CSMD1: variants seen among roughly 807,000 people sequenced by gnomAD.
CSMD1 encodes the protein CUB and sushi domain-containing protein 1.
CSMD1 carries 213 observed loss-of-function variants against 417.5 expected under a neutral mutation model. That is an observed-to-expected ratio of 0.51 (90% CI 0.46 to 0.57). CSMD1 has a LOEUF of 0.57. CSMD1 is among the 20% of genes least tolerant of loss of function. The pLI is 0.00. For synonymous variants in CSMD1, 2,862 were observed against 1,736.8 expected (o/e 1.65, Z -16.11); for missense variants, 6,923 against 4,529.7 (o/e 1.53, Z -15.17).
intron 4 of CSMD1, among the ~76,000 whole-genome samples, chr8:4,012,320 G>A (rs888119503): frequency 1.3e-5 from 2 of 152,084 alleles, no homozygotes; most frequent in Non-Finnish European, 2.9e-5. Context: ...ATCCTTGGTA[G>A]GGTGTCCAAG....
intron 12 of CSMD1, among the ~76,000 whole-genome samples, chr8:3,442,959 T>C (rs983917203): frequency 2.6e-5 from 4 of 152,206 alleles, no homozygotes; most frequent in Admixed American, 2.6e-4. Flanking sequence ...TCTTTAAACA[T>C]GGTTTTATTA....
Position 3,328,592 on chromosome 8 carries a change from A to C in CSMD1, c.3631+14702T>G, listed in dbSNP as rs181650263. Among the ~76,000 whole-genome samples the C allele has an allele frequency of 2.4e-4, 37 of 152,310 alleles. No individual in the cohort carries two copies. In the East Asian group the frequency reaches 6.4e-3, roughly 26 times the overall value. ...GATCAGTTTCAATCCAAGTCGCTCC[A>C]ATGTACATATAGTGGGCTATGTGTC... On this transcript the variant is annotated intron_variant, in intron 23 of 69. Coordinates refer to ENST00000635120, the MANE Select transcript of CSMD1 (RefSeq NM_033225.6).
chr8:4,528,378 T>TCACAGAAAGACATTA (rs1171046618), intron 2 of CSMD1, among the ~76,000 whole-genome samples: 1 of 152,158 alleles, frequency 6.6e-6, no homozygotes, highest in Non-Finnish European at 1.5e-5. Flanking sequence ...TCCAAGACTC[T>TCACAGAAAGACATTA]CAATCATGCC....
In CSMD1 at chr8:4,122,954, C is replaced by G. The variant is rs530070291; in HGVS notation, c.416-90855G>C. Among the ~76,000 whole-genome samples, 20 of 152,332 alleles carry G rather than the reference C, an allele frequency of 1.3e-4. No homozygotes were observed. The South Asian group carries it at 3.5e-3, about 27-fold the overall frequency. Reference sequence around the variant, plus strand: ...TAAATTCTAGGCTACTGCAAAGCAGCACTGTGGCTAGACCTACGGTGATAA... The same window carrying G: ...TAAATTCTAGGCTACTGCAAAGCAGGACTGTGGCTAGACCTACGGTGATAA... On this transcript the variant is annotated intron_variant, in intron 3 of 69. Coordinates refer to ENST00000635120, the MANE Select transcript of CSMD1 (RefSeq NM_033225.6).
chr8:3,533,486 T>G (rs1416373176), intron 10 of CSMD1, among the ~76,000 whole-genome samples: 3 of 152,292 alleles, frequency 2.0e-5, no homozygotes, highest in African/African-American at 7.2e-5. Context: ...ATGAAGTATT[T>G]GTCCTGTGAG....
chr8:4,047,808 A>T lies in CSMD1; in HGVS notation c.416-15709T>A, dbSNP rs186362095. Among the ~76,000 whole-genome samples, 441 of 152,292 alleles carry T rather than the reference A, an allele frequency of 2.9e-3. 2 individuals carry two copies. Among genetic ancestry groups the T allele is most frequent in the African/African-American group, 0.01 (422 of 41,558 alleles). ...TGCAATTTTACATTAGGTAGTCAGG[A>T]AACACCTCAATAAGAAAGTGGCATT... is the stretch of plus-strand genomic sequence containing the variant. On this transcript the variant is annotated intron_variant, in intron 3 of 69. Transcript: ENST00000635120.
chr8:3,935,722 C>G (rs1055900773), intron 5 of CSMD1, among the ~76,000 whole-genome samples: 2 of 152,088 alleles, frequency 1.3e-5, no homozygotes, highest in South Asian at 2.1e-4. Flanking sequence ...ATCTCTCTAC[C>G]TCCTTCATTG....
At chr8:3,441,283 T>C (rs1413455530) in intron 12 of CSMD1, among the ~76,000 whole-genome samples, 6 of 152,056 alleles carry the variant, frequency 3.9e-5, no homozygotes, top group Non-Finnish European at 8.8e-5. Flanking sequence ...TTTGTATTGT[T>C]TTCAAACAGT....
chr8:4,859,632 T>A (rs896869493), intron 1 of CSMD1, among the ~76,000 whole-genome samples: 1 of 152,156 alleles, frequency 6.6e-6, no homozygotes, highest in African/African-American at 2.4e-5. Context: ...AAGAAGACGT[T>A]TATACAGCCA....
chr8:3,166,403 G>A (rs1820219516), intron 37 of CSMD1, among the ~76,000 whole-genome samples: 2 of 151,998 alleles, frequency 1.3e-5, no homozygotes, highest in South Asian at 2.1e-4. Flanking sequence ...GCGTGGTGGT[G>A]TGCACCTGTA....
intron 1 of CSMD1, among the ~76,000 whole-genome samples, chr8:4,972,984 T>A (rs1433039759): frequency 6.6e-6 from 1 of 152,098 alleles, no homozygotes. Context: ...CACTTGGACT[T>A]TCTGTGTGAT....
chr8:3,300,461 TAG>T (rs1804306113), intron 25 of CSMD1, among the ~76,000 whole-genome samples: 1 of 151,956 alleles, frequency 6.6e-6, no homozygotes, highest in Non-Finnish European at 1.5e-5. Flanking sequence ...GTGGACAAAA[TAG>T]TTTTTGTTTT....
intron 1 of CSMD1, among the ~76,000 whole-genome samples, chr8:4,813,666 A>G (rs567505489): frequency 3.3e-5 from 5 of 152,226 alleles, no homozygotes; most frequent in Non-Finnish European, 7.3e-5. Flanking sequence ...ACGTTGCAAG[A>G]GAGAATGACA....
At chr8:4,157,134 T>G (rs749191052) in intron 3 of CSMD1, among the ~76,000 whole-genome samples, 1 of 152,116 alleles carries the variant, frequency 6.6e-6, no homozygotes, top group Non-Finnish European at 1.5e-5. Context: ...AGAGTGTATT[T>G]TATATTTTTA....
Position 3,642,352 on chromosome 8 carries a change from G to A in CSMD1, c.1010-25555C>T, listed in dbSNP as rs184103221. On this transcript the variant is annotated intron_variant, in intron 7 of 69. Transcript: ENST00000635120. ...CCCACCTTGGTGCTGTGGGGAGAAAGAAGAAATCACCGCAAAGAATTTATA... is the reference window on the plus strand; with the variant it reads ...CCCACCTTGGTGCTGTGGGGAGAAAAAAGAAATCACCGCAAAGAATTTATA... Among the ~76,000 whole-genome samples the A allele has an allele frequency of 1.9e-3, 288 of 152,228 alleles. 1 individual carries two copies. Among genetic ancestry groups the A allele is most frequent in the African/African-American group, 6.6e-3 (274 of 41,544 alleles).
At chr8:4,263,838 G>C (rs144993968) in intron 3 of CSMD1, among the ~76,000 whole-genome samples, 1 of 152,088 alleles carries the variant, frequency 6.6e-6, no homozygotes, top group Non-Finnish European at 1.5e-5. Context: ...ATTTTTGATA[G>C]CACTCAAAAA....
Position 2,962,469 on chromosome 8 carries a change from T to A in CSMD1, c.9625A>T (p.Ile3209Phe), listed in dbSNP as rs771262298. The change falls in exon 61 of 70, where the codon ATT becomes TTT. Residue 3209 changes from isoleucine to phenylalanine, a missense_variant. Physicochemically the swap from Ile to Phe is conservative, Grantham distance 21. Coordinates refer to ENST00000635120, the MANE Select transcript of CSMD1 (RefSeq NM_033225.6). ...GTWSGIQPTC[I>F]DPAHNTCPDP... ...AGAGCTGTATGATAATTATTACCAA[T>A]GCAGGTGGGTTGTATGCCGCTCCAC... 61 of 1,612,932 alleles carry A rather than the reference T, an allele frequency of 3.8e-5. 1 individual carries two copies. The South Asian group carries it at 6.5e-4, about 17-fold the overall frequency.
chr8:3,344,329 A>C (rs1409185412), intron 22 of CSMD1, among the ~76,000 whole-genome samples: 2 of 152,232 alleles, frequency 1.3e-5, no homozygotes, highest in African/African-American at 4.8e-5. Flanking sequence ...CTAGTAGGAC[A>C]AATACCTAAT....
At chr8:4,908,612 C>G (rs565054684) in intron 1 of CSMD1, among the ~76,000 whole-genome samples, 4 of 138,098 alleles carry the variant, frequency 2.9e-5, no homozygotes, top group Non-Finnish European at 6.3e-5. Flanking sequence ...CAGTCAAGCT[C>G]CGAGTCTTTT....
Sources: gnomAD v4.1 joint callset for allele counts (sites outside exome capture counted in the v4.1 genomes callset) on GRCh38, gnomAD v4.1.1 for gene constraint, MANE v1.5 for transcripts, NCBI Gene and HGNC (gene_info 2026-07-23, HGNC 2026-07-21) for gene names.